The following SLC11A2 variants were observed in gnomAD, a reference collection of about 807,000 sequenced individuals.
SLC11A2 encodes the protein solute carrier family 11 member 2, also known as natural resistance-associated macrophage protein 2.
In SLC11A2, 38 loss-of-function variants were observed where a neutral mutation model predicts 68.0. The ratio of observed to expected loss-of-function variants is 0.56; its 90% CI spans 0.43 to 0.73. The LOEUF (loss-of-function observed/expected upper bound fraction) is 0.73, where lower values mean the gene tolerates loss of function less well. SLC11A2 is among the 30% of genes least tolerant of loss of function. The pLI is 0.00. For synonymous variants in SLC11A2, 242 were observed against 250.6 expected, an observed-to-expected ratio of 0.97 and a Z score of 0.32; for missense variants, 517 against 690.5, an observed-to-expected ratio of 0.75 and a Z score of 2.82.
chr12:51,004,853 C>T lies in SLC11A2; in HGVS notation c.364G>A (p.Ala122Thr), dbSNP rs1942585577. The change falls in exon 5 of 16, where the codon GCA becomes ACA. Residue 122 changes from alanine to threonine, a missense_variant. Transcript: ENST00000262052. ...CCAGTAACCACTCCCAGTCTAGCTGCAAGCCGCTGGAGCAGCAGCCCCACA... is the reference window on the plus strand; with the variant it reads ...CCAGTAACCACTCCCAGTCTAGCTGTAAGCCGCTGGAGCAGCAGCCCCACA... ...TLVGLLLQRLAARLGVVTGLH... is the reference protein window; with the variant it reads ...TLVGLLLQRLTARLGVVTGLH... 6.2e-7 allele frequency: 1 copy of T among 1,614,036 alleles called. No individual in the cohort carries two copies. The highest frequency in any genetic ancestry group is 1.3e-5 in the African/African-American group (1 of 74,944).
intron 1 of SLC11A2, among the ~76,000 whole-genome samples, chr12:51,023,421 T>C (rs1050290899): frequency 6.6e-6 from 1 of 152,222 alleles, no homozygotes; most frequent in Non-Finnish European, 1.5e-5. Context: ...CACTCCAGCC[T>C]GGGCAAGAGA....
At chr12:50,958,572 C>T in the SLC11A2 span, among the ~76,000 whole-genome samples, 187 of 151,770 alleles carry the variant, frequency 1.2e-3, no homozygotes, top group African/African-American at 4.1e-3. Flanking sequence ...TGAGCCACCG[C>T]GCCCGGCCTA....
the SLC11A2 span, among the ~76,000 whole-genome samples, chr12:50,954,538 T>A: frequency 2.0e-5 from 3 of 152,180 alleles, no homozygotes; most frequent in African/African-American, 7.2e-5. Context: ...ATTTTTCTGT[T>A]TCTATCTTAC....
intron 3 of SLC11A2, 101 bp from the exon 4 acceptor site, chr12:51,005,537 AG>A: frequency 6.4e-7 from 1 of 1,573,690 alleles, no homozygotes; most frequent in South Asian, 1.1e-5. Context: ...CAGCCTCACA[AG>A]AAAAAAGGAT....
the SLC11A2 span, among the ~76,000 whole-genome samples, chr12:50,971,115 G>A: frequency 6.6e-6 from 1 of 152,050 alleles, no homozygotes; most frequent in Non-Finnish European, 1.5e-5. Context: ...CCTGACCTCA[G>A]GTGATTCACC....
chr12:50,963,591 A>T, the SLC11A2 span, among the ~76,000 whole-genome samples: 1 of 152,132 alleles, frequency 6.6e-6, no homozygotes, highest in Admixed American at 6.5e-5. Flanking sequence ...CAAAGGGGTC[A>T]GAGAAGGTGA....
chr12:51,016,546 G>T (rs1445785795), intron 1 of SLC11A2, among the ~76,000 whole-genome samples: 1 of 152,106 alleles, frequency 6.6e-6, no homozygotes, highest in African/African-American at 2.4e-5. Flanking sequence ...AGCCAGTGTA[G>T]TGGCGCATGC....
At position 50,995,599 on chromosome 12, in the gene SLC11A2, C is replaced by G. The variant is rs1253692643; in HGVS notation, c.990+30G>C. The G allele has an allele frequency of 1.9e-6, 3 of 1,612,546 alleles. No homozygotes were observed. In the South Asian group the frequency reaches 3.3e-5, roughly 18 times the overall value. The stretch of plus-strand genomic sequence containing the variant: ...GCAGTCTTCACTTTACCCTCACATT[C>G]ACTACCACCCATAACCCTGGCTTAC... On this transcript the variant is annotated intron_variant, in intron 10 of 15. Transcript: ENST00000262052.
chr12:51,011,549 G>A (rs894086240), intron 1 of SLC11A2, among the ~76,000 whole-genome samples: 10 of 82,356 alleles, frequency 1.2e-4, no homozygotes, highest in African/African-American at 4.2e-4. Context: ...TATTTTATGA[G>A]TTGTTTTTTT....
At chr12:51,026,550 C>T (rs1944403864), upstream of SLC11A2, 3 of 346,598 alleles carry the variant, frequency 8.7e-6, no homozygotes, top group South Asian at 4.3e-5. Flanking sequence ...GCGGCGGCCC[C>T]TGGGGCACCC....
chr12:50,981,893 T>G (rs1940054227), downstream of SLC11A2: 1 of 682,128 alleles, frequency 1.5e-6, no homozygotes, highest in African/African-American at 1.8e-5. Flanking sequence ...CACATCAATT[T>G]AGGCCTTTTT....
At chr12:50,972,291 T>C in the SLC11A2 span, among the ~76,000 whole-genome samples, 1 of 152,258 alleles carries the variant, frequency 6.6e-6, no homozygotes, top group Non-Finnish European at 1.5e-5. Context: ...TCCACAATTT[T>C]GTAATCTTAC....
chr12:50,965,765 T>C, the SLC11A2 span, among the ~76,000 whole-genome samples: 1 of 152,170 alleles, frequency 6.6e-6, no homozygotes, highest in Non-Finnish European at 1.5e-5. Flanking sequence ...GGTGAACAGG[T>C]ACCCTGGTAA....
chr12:50,992,367 T>C (rs369589865), intron 12 of SLC11A2, 28 bp from the exon 13 acceptor site: 1 of 1,612,146 alleles, frequency 6.2e-7, no homozygotes. Flanking sequence ...AGCAGATGAC[T>C]GTCTGCAACA....
At chr12:51,017,059 A>G (rs1042307553) in intron 1 of SLC11A2, among the ~76,000 whole-genome samples, 10 of 152,044 alleles carry the variant, frequency 6.6e-5, no homozygotes, top group African/African-American at 2.2e-4. Context: ...AAATGCTAAC[A>G]AAATTTTATT....
rs1033885683 is a variant in SLC11A2 at position 51,000,347 on chromosome 12, A to G, written c.502T>C (p.Ser168Pro). 2.5e-6 allele frequency: 4 copies of G among 1,614,016 alleles called. No individual in the cohort carries two copies. The highest frequency in any genetic ancestry group is 3.4e-6 in the Non-Finnish European group (4 of 1,179,848). The change falls in exon 6 of 16, where the codon TCA becomes CCA. Residue 168 changes from serine to proline, a missense_variant. Coordinates refer to ENST00000262052, the MANE Select transcript of SLC11A2 (RefSeq NM_000617.3). ...IGSDMQEVIG[S>P]AIAINLLSVG... ...GACAGAAGATTGATAGCAATGGCTG[A>G]GCCAATGACTTCTTGCATGTCTGAG... is the stretch of plus-strand genomic sequence containing the variant.
At chr12:50,967,014 G>C in the SLC11A2 span, among the ~76,000 whole-genome samples, 1 of 152,086 alleles carries the variant, frequency 6.6e-6, no homozygotes, top group Non-Finnish European at 1.5e-5. Context: ...CTACTCGGGA[G>C]GCTGAGGTAG....
chr12:50,997,690 A>AAC (rs962855204), intron 8 of SLC11A2, among the ~76,000 whole-genome samples: 5 of 148,820 alleles, frequency 3.4e-5, no homozygotes, highest in Non-Finnish European at 7.5e-5. Context: ...AAAAAAAAAA[A>AAC]AAAAAAAAAA....
the SLC11A2 span, among the ~76,000 whole-genome samples, chr12:50,968,099 A>AAGAAGGAGGAGG: frequency 6.8e-6 from 1 of 146,468 alleles, no homozygotes; most frequent in South Asian, 2.3e-4. Flanking sequence ...TAATAAGAAG[A>AAGAAGGAGGAGG]AGAAGGAGGA....
Sources: gnomAD v4.1 joint callset for allele counts (sites outside exome capture counted in the v4.1 genomes callset) on GRCh38, gnomAD v4.1.1 for gene constraint, MANE v1.5 for transcripts, NCBI Gene and HGNC (gene_info 2026-07-23, HGNC 2026-07-21) for gene names.